Variants in DISP3 observed in about 807,000 individuals in gnomAD.
DISP3 encodes the protein dispatched RND transporter family member 3.
Under a neutral mutation model 135.3 loss-of-function variants are expected in DISP3, and 101 were observed. The ratio of observed to expected loss-of-function variants is 0.75; its 90% CI spans 0.64 to 0.88. DISP3 has a LOEUF of 0.88. Ranked by LOEUF, DISP3 falls within the 40% of genes least tolerant of loss-of-function variation. The probability of loss-of-function intolerance (pLI) is 0.00; values close to 1 mark genes in which losing one functional copy is unlikely to be tolerated. For synonymous variants in DISP3, 856 were observed against 817.0 expected (o/e 1.05, Z -0.81); for missense variants, 1,713 against 1,878.6 (o/e 0.91, Z 1.63).
In DISP3 at chr1:11,519,922, A is replaced by C; in HGVS notation, c.2200+42A>C. The C allele has an allele frequency of 6.4e-7, 1 of 1,559,126 alleles. No homozygotes were observed. Among genetic ancestry groups the C allele is most frequent in the East Asian group, 2.3e-5 (1 of 44,104 alleles). ...GCCCTGCCCCCTGTCTCACAGCTCCACCCCCAAAACACACAGGAACTGGGA... is the reference window on the plus strand; with the variant it reads ...GCCCTGCCCCCTGTCTCACAGCTCCCCCCCCAAAACACACAGGAACTGGGA... On this transcript the variant is annotated intron_variant, in intron 9 of 20. Transcript: ENST00000294484. The surrounding 1 kb of genome is among the most constrained non-coding windows in gnomAD (Gnocchi z 4.3).
chr1:11,529,740 G>A lies in DISP3; in HGVS notation c.2930-47G>A. The A allele has an allele frequency of 3.1e-6, 5 of 1,601,108 alleles. No homozygotes were observed. The highest frequency in any genetic ancestry group is 4.3e-6 in the Non-Finnish European group (5 of 1,170,368). On this transcript the variant is annotated intron_variant, in intron 14 of 20. Coordinates refer to ENST00000294484, the MANE Select transcript of DISP3 (RefSeq NM_020780.2). The surrounding 1 kb of genome is among the most constrained non-coding windows in gnomAD (Gnocchi z 4.7). ...TCAAGAGCTGAGACCTCGGGGCTCA[G>A]GAGCTGGACCCTGCCTTCCCTTACA...
intron 1 of DISP3, among the ~76,000 whole-genome samples, chr1:11,496,511 G>A (rs1159994488): frequency 1.3e-5 from 2 of 152,086 alleles, no homozygotes; most frequent in African/African-American, 2.4e-5. Flanking sequence ...GTCCTACTCC[G>A]GGCTTTGTCT....
rs1224892677 is a variant in DISP3, at chr1:11,502,072, C to A, written c.1080C>A (p.Asp360Glu). Residue 360 changes from aspartate to glutamate, a missense_variant, in exon 2 of 21, where the codon GAC becomes GAA. Asp to Glu is a conservative substitution (Grantham distance 45). This residue lies in a region of DISP3 where 571 missense variants were observed against 494.1 expected (regional missense o/e 1.16). Transcript: ENST00000294484. ...TCTACTATGACGGCATGGGCCAGGACCTGGCGGACATCCGGGGTGAGCCGC... is the reference window on the plus strand; with the variant it reads ...TCTACTATGACGGCATGGGCCAGGAACTGGCGGACATCCGGGGTGAGCCGC... ...GKIYYDGMGQ[D>E]LADIRGSLEL... is the part of the protein sequence containing the mutation. 3.2e-6 allele frequency: 5 copies of A among 1,566,174 alleles called. No homozygotes were observed. Among genetic ancestry groups the A allele is most frequent in the East Asian group, 2.3e-5 (1 of 44,372 alleles).
chr1:11,519,799 G>A lies in DISP3; in HGVS notation c.2119G>A (p.Gly707Ser), dbSNP rs747955699. The change falls in exon 9 of 21, where the codon GGC (glycine) becomes AGC (serine). Residue 707 changes from glycine to serine, a missense_variant. Around this residue, in one of 2 missense-constraint regions of DISP3, gnomAD observed 1,142 missense variants for 1,384.6 expected, o/e 0.82. Coordinates refer to ENST00000294484, the MANE Select transcript of DISP3 (RefSeq NM_020780.2). This position sits in a 1 kb window ranked among gnomAD's most constrained non-coding sequence, Gnocchi z 4.3. Reference sequence around the variant, plus strand: ...GCCAGCCTCCAACACGGGCAGCCGCGGCCATCTCATCGTGCAGCTGCAGGA... The same window carrying A: ...GCCAGCCTCCAACACGGGCAGCCGCAGCCATCTCATCGTGCAGCTGCAGGA... ...LQPASNTGSR[G>S]HLIVQLQELL... is the part of the protein sequence containing the mutation. The A allele has an allele frequency of 4.2e-5, 67 of 1,612,880 alleles. No individual in the cohort carries two copies. The highest frequency in any genetic ancestry group is 5.1e-5 in the Non-Finnish European group (60 of 1,180,010).
Position 11,483,108 on chromosome 1 carries a change from G to GGCAGAGCCTCCCCCAGTGA in DISP3, c.-4+3739_-4+3757dup, listed in dbSNP as rs1553151265. 6.6e-6 allele frequency among the ~76,000 whole-genome samples: 1 copy of GGCAGAGCCTCCCCCAGTGA among 152,250 alleles called. No homozygotes were observed. Reference sequence around the variant, plus strand: ...GCTGCGGGACCAGTCCAGGGATGGCGGCAGAGCCTCCCCCAGTGAGCTCAC... The same window carrying GGCAGAGCCTCCCCCAGTGA: ...GCTGCGGGACCAGTCCAGGGATGGCGGCAGAGCCTCCCCCAGTGAGCAGAGCCTCCCCCAGTGAGCTCAC... On this transcript the variant is annotated intron_variant, in intron 1 of 20. Transcript: ENST00000294484. This position sits in a 1 kb window ranked among gnomAD's most constrained non-coding sequence, Gnocchi z 5.4.
chr1:11,536,567 ACTTC>A lies in DISP3; in HGVS notation c.4067_4070del (p.Phe1356SerfsTer168). ...GCCCAGCTCTTTCACTCGGACCCGGACTTCCTTCCTCAAGGCCCTGGGTGCCGTG... is the reference window on the plus strand; with the variant it reads ...GCCCAGCTCTTTCACTCGGACCCGGACTTCCTCAAGGCCCTGGGTGCCGTG... On this transcript the variant is annotated frameshift_variant, in exon 21 of 21. Transcript: ENST00000294484. LOFTEE classifies it high-confidence loss of function. This position sits in a 1 kb window ranked among gnomAD's most constrained non-coding sequence, Gnocchi z 4.3. 22 of 1,612,340 alleles carry A rather than the reference ACTTC, an allele frequency of 1.4e-5. No individual in the cohort carries two copies. Among genetic ancestry groups the A allele is most frequent in the Non-Finnish European group, 1.9e-5 (22 of 1,179,894 alleles).
chr1:11,481,706 C>G (rs1196327931), intron 1 of DISP3: 1 of 152,194 alleles, frequency 6.6e-6, no homozygotes, highest in East Asian at 1.9e-4. Context: ...GGGTCACTTT[C>G]TGGCCCTAAT....
rs779976521 is a variant in DISP3 at position 11,502,065 on chromosome 1, G to C, written c.1073G>C (p.Gly358Ala). The C allele has an allele frequency of 1.4e-5, 22 of 1,574,014 alleles. No homozygotes were observed. The highest frequency in any genetic ancestry group is 1.8e-5 in the Non-Finnish European group (21 of 1,158,632). ...RGGKIYYDGM[G>A]QDLADIRGSL... ...GGCAAGATCTACTATGACGGCATGG[G>C]CCAGGACCTGGCGGACATCCGGGGT... The change falls in exon 2 of 21, where the codon GGC (glycine) becomes GCC (alanine). Residue 358 changes from glycine to alanine, a missense_variant. Gly to Ala is a moderately conservative substitution (Grantham distance 60). Transcript: ENST00000294484.
At chr1:11,518,901 G>T (rs768497684) in intron 7 of DISP3, among the ~76,000 whole-genome samples, 3 of 152,174 alleles carry the variant, frequency 2.0e-5, no homozygotes, top group Non-Finnish European at 4.4e-5. Flanking sequence ...CTGGTGCCCA[G>T]TCCCTAGGTT....
chr1:11,525,897 C>G (rs1339863169), intron 12 of DISP3, among the ~76,000 whole-genome samples: 2 of 152,164 alleles, frequency 1.3e-5, no homozygotes, highest in African/African-American at 2.4e-5. Flanking sequence ...GCAGCCTCGA[C>G]CTCCTGGGCT....
At position 11,520,512 on chromosome 1, in the gene DISP3, G is replaced by GT. The variant is rs749823180; in HGVS notation, c.2201-174dup. ...CACAAAGCAACTGATCCCTGGCCCT[G>GT]TAGGACCATCCCCAGCAAGCTTTGC... On this transcript the variant is annotated intron_variant, in intron 9 of 20. Transcript: ENST00000294484. This position sits in a 1 kb window ranked among gnomAD's most constrained non-coding sequence, Gnocchi z 4.8. Among the ~76,000 whole-genome samples, 1 of 152,066 alleles carries GT rather than the reference G, an allele frequency of 6.6e-6. No individual in the cohort carries two copies. Among genetic ancestry groups the GT allele is most frequent in the East Asian group, 1.9e-4 (1 of 5,180 alleles).
intron 17 of DISP3, among the ~76,000 whole-genome samples, chr1:11,532,471 G>T (rs1413323020): frequency 1.3e-5 from 2 of 152,126 alleles, no homozygotes; most frequent in Non-Finnish European, 2.9e-5. Flanking sequence ...AACTGGGGAG[G>T]TGATTCTCCT....
At chr1:11,498,784 C>T (rs758330097) in intron 1 of DISP3, among the ~76,000 whole-genome samples, 6 of 152,272 alleles carry the variant, frequency 3.9e-5, no homozygotes, top group South Asian at 2.1e-4. Flanking sequence ...CTGTTGTGTA[C>T]GCCATCCTTC....
intron 1 of DISP3, chr1:11,481,993 C>T (rs1640916361): frequency 6.6e-6 from 1 of 152,202 alleles, no homozygotes; most frequent in African/African-American, 2.4e-5. Flanking sequence ...ACCACTGGTT[C>T]TGCTGGTAGA....
chr1:11,527,538 A>ACTCCAT (rs1642458226), intron 13 of DISP3, among the ~76,000 whole-genome samples: 1 of 145,306 alleles, frequency 6.9e-6, no homozygotes. Context: ...ACAGAGCGAG[A>ACTCCAT]CTCCATCTCA....
Position 11,534,426 on chromosome 1 carries a change from C to T in DISP3, c.3421C>T (p.Leu1141=). 2 of 1,614,254 alleles carry T rather than the reference C, an allele frequency of 1.2e-6. No individual in the cohort carries two copies. Among genetic ancestry groups the T allele is most frequent in the Non-Finnish European group, 1.7e-6 (2 of 1,180,046 alleles). The change falls in exon 18 of 21, where the codon CTG becomes TTG. Residue 1141 remains leucine, a synonymous_variant. Coordinates refer to ENST00000294484, the MANE Select transcript of DISP3 (RefSeq NM_020780.2). ...CTCCTTCCAGACCTACTCGGACTAC[C>T]TGCGCTGGGAGAGCTTCCTCCAGCA... is the stretch of plus-strand genomic sequence containing the variant. ...KSSFQTYSDY[L]RWESFLQQQL...
chr1:11,515,865 A>G (rs1641997512), intron 5 of DISP3, 136 bp from the exon 6 acceptor site: 2 of 1,065,982 alleles, frequency 1.9e-6, no homozygotes, highest in South Asian at 1.6e-5. Flanking sequence ...GGTCTCTCCA[A>G]ACTGTAAGCT....
intron 1 of DISP3, among the ~76,000 whole-genome samples, chr1:11,487,734 T>A (rs1641078239): frequency 6.6e-6 from 1 of 152,196 alleles, no homozygotes; most frequent in East Asian, 1.9e-4. Flanking sequence ...GCCCTCTCAC[T>A]GCCTGCCCCA....
chr1:11,516,212 A>G lies in DISP3; in HGVS notation c.1749+51A>G. 5 of 1,582,048 alleles carry G rather than the reference A, an allele frequency of 3.2e-6. No homozygotes were observed. Among genetic ancestry groups the G allele is most frequent in the Non-Finnish European group, 4.3e-6 (5 of 1,160,090 alleles). ...CCTGGCCTCCCACACGCTCATGCAT[A>G]CCTAGCCGCTGGTCTCTGCCCTTCC... On this transcript the variant is annotated intron_variant, in intron 6 of 20. Transcript: ENST00000294484. The surrounding 1 kb of genome is among the most constrained non-coding windows in gnomAD (Gnocchi z 5.1).
Sources: allele counts gnomAD v4.1 joint callset (sites outside exome capture counted in the v4.1 genomes callset), GRCh38; gene constraint gnomAD v4.1.1; regional missense constraint gnomAD v4.1.1; non-coding constraint Gnocchi (gnomAD v3.1); transcripts MANE v1.5; gene names NCBI Gene and HGNC (gene_info 2026-07-23, HGNC 2026-07-21).